The following ZNF318 variants were observed in gnomAD, a reference collection of about 807,000 sequenced individuals.
ZNF318 encodes the protein endocrine regulator.
A neutral mutation model predicts 124.2 loss-of-function variants in ZNF318; 51 were observed. The observed-to-expected ratio is 0.41, with a 90% CI of 0.33 to 0.52. The LOEUF is 0.52. ZNF318 is among the 20% of genes least tolerant of loss of function. ZNF318 has a pLI of 0.23. For synonymous variants in ZNF318, 1,090 were observed against 1,040.7 expected, an observed-to-expected ratio of 1.05 and a Z score of -0.91; for missense variants, 2,815 against 2,811.2, an observed-to-expected ratio of 1.00 and a Z score of -0.03.
At position 43,355,707 on chromosome 6, in the gene ZNF318, C is replaced by T; in HGVS notation, c.1627G>A (p.Glu543Lys). The change falls in exon 4 of 10, where the codon GAA becomes AAA. Residue 543 changes from glutamate (E) to lysine (K), a missense_variant. Physicochemically the swap from Glu to Lys is moderately conservative, Grantham distance 56 (BLOSUM62 1). Coordinates refer to ENST00000361428, the MANE Select transcript of ZNF318 (RefSeq NM_014345.3). Reference sequence around the variant, plus strand: ...ACGGATTCTGCCTTTAAATCCTCTTCTTCATCCCCATAGAGAAATTTCTCC... The same window carrying T: ...ACGGATTCTGCCTTTAAATCCTCTTTTTCATCCCCATAGAGAAATTTCTCC... The part of the protein sequence containing the change: ...DEEKFLYGDE[E>K]EDLKAESVPK... 1.2e-6 allele frequency: 2 copies of T among 1,614,218 alleles called. No homozygotes were observed. Among genetic ancestry groups the T allele is most frequent in the Non-Finnish European group, 1.7e-6 (2 of 1,180,040 alleles).
In ZNF318 at chr6:43,352,460, T is replaced by C. The variant is rs750379870; in HGVS notation, c.2687A>G (p.Glu896Gly). The change falls in exon 5 of 10, where the codon GAA (glutamate) becomes GGA (glycine). Residue 896 changes from glutamate to glycine, a missense_variant. Physicochemically the swap from Glu to Gly is moderately conservative, Grantham distance 98. This residue lies in a region of ZNF318 where 1,377 missense variants were observed against 1,353.5 expected (regional missense o/e 1.02). Transcript: ENST00000361428. ...GGCTTCCCGGTCATTCTTTAGTTTTTCCCTCTCTTCAATAACCTGCAAAAT... is the reference window on the plus strand; with the variant it reads ...GGCTTCCCGGTCATTCTTTAGTTTTCCCCTCTCTTCAATAACCTGCAAAAT... ...SQKQKVIEER[E>G]KLKNDREARQ... The C allele has an allele frequency of 1.9e-6, 3 of 1,614,102 alleles. No homozygotes were observed. Among genetic ancestry groups the C allele is most frequent in the African/African-American group, 1.3e-5 (1 of 75,054 alleles).
chr6:43,367,092 C>T (rs1304361306), intron 1 of ZNF318, among the ~76,000 whole-genome samples: 1 of 152,182 alleles, frequency 6.6e-6, no homozygotes, highest in African/African-American at 2.4e-5. Context: ...CCTCGTGATC[C>T]GCCTGCCTCG....
In ZNF318 at chr6:43,361,024, T is replaced by C. The variant is rs75041662; in HGVS notation, c.549-3259A>G. ...GATTGTAGTGAGGGATGCACAACTC[T>C]GAATATGCGAAAAATCACTGAACTG... On this transcript the variant is annotated intron_variant, in intron 2 of 9. Transcript: ENST00000361428. Among the ~76,000 whole-genome samples the C allele has an allele frequency of 1.0e-3, 156 of 152,332 alleles. 2 individuals are homozygous for C. The East Asian group carries it at 0.028, about 28-fold the overall frequency.
chr6:43,364,726 G>A (rs1463208255), intron 2 of ZNF318, among the ~76,000 whole-genome samples: 1 of 152,174 alleles, frequency 6.6e-6, no homozygotes, highest in Non-Finnish European at 1.5e-5. Flanking sequence ...TCTCTTGAGT[G>A]TATCTACCCT....
chr6:43,348,397 T>A lies in ZNF318; in HGVS notation c.2999A>T (p.Glu1000Val). Residue 1000 changes from glutamate (E) to valine (V), a missense_variant, in exon 6 of 10, where the codon GAG (glutamate) becomes GTG (valine). By Grantham distance (121) the Glu-to-Val change is moderately radical. Transcript: ENST00000361428. The stretch of plus-strand genomic sequence containing the variant: ...AGATTTTTCTGCTTTCCCAGGCTTC[T>A]CTGTAGGCTCTCTACTGTCACTTAA... ...KSLSDSREPTEKPGKAEKSKS... is the reference protein window; with the variant it reads ...KSLSDSREPTVKPGKAEKSKS... 1 of 1,614,200 alleles carries A rather than the reference T, an allele frequency of 6.2e-7. No homozygotes were observed. The highest frequency in any genetic ancestry group is 8.5e-7 in the Non-Finnish European group (1 of 1,180,020).
rs1482453698 is a variant in ZNF318, at chr6:43,354,542, G to T, written c.2670+122C>A. On this transcript the variant is annotated intron_variant, in intron 4 of 9. Coordinates refer to ENST00000361428, the MANE Select transcript of ZNF318 (RefSeq NM_014345.3). ...ATATACACTTCTTAGGATGATGACA[G>T]CAGCCTCCAGACGACTTCAAGTGAA... 8.4e-6 allele frequency: 7 copies of T among 837,200 alleles called. No homozygotes were observed. The Admixed American group carries it at 1.7e-4, about 20-fold the overall frequency. The allele number at this position is 837,200 out of a possible 1,614,324, so 51.9% of individuals were successfully genotyped here. A position where few individuals can be genotyped will look rare whatever the true frequency, so the allele number is the denominator to read the frequency against.
At chr6:43,341,654 GAAA>G (rs11357632) in intron 8 of ZNF318, among the ~76,000 whole-genome samples, 15 of 122,370 alleles carry the variant, frequency 1.2e-4, no homozygotes, top group East Asian at 2.3e-4. Context: ...CATCTCAGAG[GAAA>G]AAAAAAAAAA....
In ZNF318 at chr6:43,337,364, T is replaced by C. The variant is rs756394630; in HGVS notation, c.6634A>G (p.Ile2212Val). Residue 2212 changes from isoleucine (I) to valine (V), a missense_variant, in exon 10 of 10, where the codon ATA becomes GTA. Transcript: ENST00000361428. ...ACCTCTGTGGTGGATGCATTCGATATTTCTAGCTGTAATGGCCCCAACTCC... is the reference window on the plus strand; with the variant it reads ...ACCTCTGTGGTGGATGCATTCGATACTTCTAGCTGTAATGGCCCCAACTCC... ...SLELGPLQLE[I>V]SNASTTEVAI... is the part of the protein sequence containing the mutation. 1 of 1,614,118 alleles carries C rather than the reference T, an allele frequency of 6.2e-7. No individual in the cohort carries two copies. The highest frequency in any genetic ancestry group is 8.5e-7 in the Non-Finnish European group (1 of 1,180,006).
chr6:43,354,168 G>A (rs1463350408), intron 4 of ZNF318, among the ~76,000 whole-genome samples: 1 of 151,976 alleles, frequency 6.6e-6, no homozygotes, highest in Non-Finnish European at 1.5e-5. Flanking sequence ...TGTTACTCCT[G>A]GACTCTAAGA....
chr6:43,357,968 A>T (rs1052837181), intron 2 of ZNF318, among the ~76,000 whole-genome samples: 4 of 152,222 alleles, frequency 2.6e-5, no homozygotes, highest in African/African-American at 9.6e-5. Context: ...TATTACCAAC[A>T]TATCTAGATA....
rs1582576697 is a variant in ZNF318 at position 43,336,641 on chromosome 6, C to T, written c.*517G>A. 1 of 152,668 alleles carries T rather than the reference C, an allele frequency of 6.6e-6. No homozygotes were observed. The highest frequency in any genetic ancestry group is 1.9e-4 in the East Asian group (1 of 5,184). 9.5% of individuals were successfully genotyped at this position (152,668 alleles called of 1,614,324 possible). A position where few individuals can be genotyped will look rare whatever the true frequency, so the allele number is the denominator to read the frequency against. On this transcript the variant is annotated 3_prime_UTR_variant, in exon 10 of 10. Coordinates refer to ENST00000361428, the MANE Select transcript of ZNF318 (RefSeq NM_014345.3). ...TCAAACAATGTTAAGGCAGGCCCAT[C>T]CAAATGGAAGCCTAAGAGATGAACA...
chr6:43,364,166 AC>A, intron 2 of ZNF318: 27 of 965,644 alleles, frequency 2.8e-5, no homozygotes, highest in Middle Eastern at 3.3e-4. Flanking sequence ...CAGCTACCTG[AC>A]CCCCGACCTC....
chr6:43,366,953 G>A (rs1341276018), intron 1 of ZNF318, among the ~76,000 whole-genome samples: 3 of 152,020 alleles, frequency 2.0e-5, no homozygotes, highest in African/African-American at 7.2e-5. Flanking sequence ...CCAGGTTCAT[G>A]CCATTCTCCT....
intron 6 of ZNF318, 144 bp from the exon 7 acceptor site, chr6:43,343,023 C>A (rs1401455679): frequency 4.5e-6 from 3 of 663,044 alleles, no homozygotes; most frequent in Non-Finnish European, 7.6e-6. Context: ...TTGGGGGGAA[C>A]CCTAACAGAA....
chr6:43,365,086 T>C (rs1473708011), intron 2 of ZNF318, among the ~76,000 whole-genome samples: 1 of 152,030 alleles, frequency 6.6e-6, no homozygotes, highest in East Asian at 1.9e-4. Context: ...TTTTTTTCTA[T>C]ACAATTTATT....
chr6:43,351,909 G>A (rs1237751868), intron 5 of ZNF318, among the ~76,000 whole-genome samples: 1 of 152,198 alleles, frequency 6.6e-6, no homozygotes, highest in Non-Finnish European at 1.5e-5. Context: ...GGGAGGCTAA[G>A]GCGGGTGGAT....
At chr6:43,342,923 T>TA (rs1779391264) in intron 6 of ZNF318, 44 bp from the exon 7 acceptor site, 1 of 1,500,668 alleles carries the variant, frequency 6.7e-7, no homozygotes, top group Non-Finnish European at 9.1e-7. Context: ...CAAGGCAATC[T>TA]AGACTTGTCT....
chr6:43,365,182 G>T, intron 2 of ZNF318, 110 bp downstream of exon 2: 1 of 1,238,886 alleles, frequency 8.1e-7, no homozygotes, highest in Non-Finnish European at 1.1e-6. Flanking sequence ...ATGTGGCATA[G>T]GAAATAACTT....
intron 2 of ZNF318, among the ~76,000 whole-genome samples, chr6:43,358,894 A>G (rs1188107860): frequency 6.6e-6 from 1 of 152,164 alleles, no homozygotes; most frequent in East Asian, 1.9e-4. Flanking sequence ...AGAGGTTGTA[A>G]AGAGTGCTCA....
Sources: gnomAD v4.1 joint callset for allele counts (sites outside exome capture counted in the v4.1 genomes callset) on GRCh38, gnomAD v4.1.1 for gene constraint, gnomAD v4.1.1 regional missense constraint, MANE v1.5 for transcripts, NCBI Gene and HGNC (gene_info 2026-07-23, HGNC 2026-07-21) for gene names.